RFTN1: variants seen among roughly 807,000 people sequenced by gnomAD.
The protein encoded by RFTN1 is raftlin.
RFTN1 carries 26 observed loss-of-function variants against 46.5 expected under a neutral mutation model. That is an observed-to-expected ratio of 0.56 (90% CI 0.41 to 0.78). The LOEUF (loss-of-function observed/expected upper bound fraction) is 0.78, where lower values mean the gene tolerates loss of function less well. Among genes scored for constraint, RFTN1 ranks in the 30% least tolerant of loss-of-function variants. The probability of loss-of-function intolerance (pLI) is 0.00; values close to 1 mark genes in which losing one functional copy is unlikely to be tolerated. For missense variants in RFTN1, 693 were observed against 718.7 expected, an observed-to-expected ratio of 0.96 and a Z score of 0.41; for synonymous variants, 261 against 284.2, an observed-to-expected ratio of 0.92 and a Z score of 0.82.
At position 16,506,143 on chromosome 3, in the gene RFTN1, C is replaced by T. The variant is rs771998545; in HGVS notation, c.-9+7299G>A. ...AGGAGGAGGTATAGTGTTTTAAATA[C>T]GGGGATTGGGAAAGGCCACACCCAG... On this transcript the variant is annotated intron_variant, in intron 1 of 9. Transcript: ENST00000334133. This position sits in a 1 kb window ranked among gnomAD's most constrained non-coding sequence, Gnocchi z 4.8. Among the ~76,000 whole-genome samples the T allele has an allele frequency of 9.9e-5, 15 of 152,130 alleles. No individual in the cohort carries two copies. Among genetic ancestry groups the T allele is most frequent in the East Asian group, 1.9e-4 (1 of 5,184 alleles).
At position 16,499,447 on chromosome 3, in the gene RFTN1, G is replaced by A. The variant is rs565750405; in HGVS notation, c.-8-5570C>T. 2.6e-5 allele frequency among the ~76,000 whole-genome samples: 4 copies of A among 152,334 alleles called. No homozygotes were observed. In the South Asian group the frequency reaches 8.3e-4, roughly 32 times the overall value. On this transcript the variant is annotated intron_variant, in intron 1 of 9. Coordinates refer to ENST00000334133, the MANE Select transcript of RFTN1 (RefSeq NM_015150.2). The surrounding 1 kb of genome is among the most constrained non-coding windows in gnomAD (Gnocchi z 4.9). Reference sequence around the variant, plus strand: ...GGAAGCTCAAGTAGCCCCAAAGAGGGGCCCATGTGGAGAGGAACCGACAGC... The same window carrying A: ...GGAAGCTCAAGTAGCCCCAAAGAGGAGCCCATGTGGAGAGGAACCGACAGC...
rs879370524 is a variant in RFTN1, at chr3:16,442,631, G to A, written c.146-8594C>T. On this transcript the variant is annotated intron_variant, in intron 2 of 9. Transcript: ENST00000334133. The surrounding 1 kb of genome is among the most constrained non-coding windows in gnomAD (Gnocchi z 4.1). ...TATTCCCTGAGCAGATCTCCAGTAC[G>A]CGATGTTATTAGCTATAGTCCCCAT... is the stretch of plus-strand genomic sequence containing the variant. Among the ~76,000 whole-genome samples the A allele has an allele frequency of 3.3e-5, 5 of 152,012 alleles. No individual in the cohort carries two copies. The highest frequency in any genetic ancestry group is 5.9e-5 in the Non-Finnish European group (4 of 68,004).
chr3:16,440,773 C>A lies in RFTN1; in HGVS notation c.146-6736G>T, dbSNP rs991164415. ...TAATCTTCCTAATCTTTAAATGTGA[C>A]AAGTAACTGTAATTTTTTTCTCAAT... is the stretch of plus-strand genomic sequence containing the variant. On this transcript the variant is annotated intron_variant, in intron 2 of 9. Transcript: ENST00000334133. The surrounding 1 kb of genome is among the most constrained non-coding windows in gnomAD (Gnocchi z 4.6). Among the ~76,000 whole-genome samples, 1 of 152,112 alleles carries A rather than the reference C, an allele frequency of 6.6e-6. No homozygotes were observed. The highest frequency in any genetic ancestry group is 6.5e-5 in the Admixed American group (1 of 15,274).
At chr3:16,339,287 G>GC (rs768620085) in intron 7 of RFTN1, 7 of 152,248 alleles carry the variant, frequency 4.6e-5, no homozygotes, top group Non-Finnish European at 7.3e-5. Flanking sequence ...TTCTCACTCA[G>GC]CCCTCCCTCC....
chr3:16,416,397 C>T (rs549738461), intron 3 of RFTN1, among the ~76,000 whole-genome samples: 1 of 152,214 alleles, frequency 6.6e-6, no homozygotes, highest in Admixed American at 6.5e-5. Flanking sequence ...CAGTATAGTA[C>T]CCTGGATTGG....
rs1010413022 is a variant in RFTN1, at chr3:16,498,623, C to T, written c.-8-4746G>A. 2.0e-5 allele frequency among the ~76,000 whole-genome samples: 3 copies of T among 152,168 alleles called. No homozygotes were observed. Among genetic ancestry groups the T allele is most frequent in the African/African-American group, 2.4e-5 (1 of 41,434 alleles). On this transcript the variant is annotated intron_variant, in intron 1 of 9. Coordinates refer to ENST00000334133, the MANE Select transcript of RFTN1 (RefSeq NM_015150.2). This position sits in a 1 kb window ranked among gnomAD's most constrained non-coding sequence, Gnocchi z 5.2. Reference sequence around the variant, plus strand: ...TAAGCAACTGTTTCTAAAGCACAGCCCTCTTTGGAAAGGGAGACACAGGAA... The same window carrying T: ...TAAGCAACTGTTTCTAAAGCACAGCTCTCTTTGGAAAGGGAGACACAGGAA...
rs945368356 is a variant in RFTN1 at position 16,422,089 on chromosome 3, C to T, written c.332+11762G>A. On this transcript the variant is annotated intron_variant, in intron 3 of 9. Transcript: ENST00000334133. The surrounding 1 kb of genome is among the most constrained non-coding windows in gnomAD (Gnocchi z 4.6). The stretch of plus-strand genomic sequence containing the variant: ...TCTCCTTCAACATTAAATATGTCTA[C>T]CCCACTTTGGTAACCACTGTTTAGA... Among the ~76,000 whole-genome samples, 1 of 152,168 alleles carries T rather than the reference C, an allele frequency of 6.6e-6. No individual in the cohort carries two copies. Among genetic ancestry groups the T allele is most frequent in the African/African-American group, 2.4e-5 (1 of 41,428 alleles).
Position 16,341,310 on chromosome 3 carries a change from C to T in RFTN1, c.1147-14434G>A, listed in dbSNP as rs1424257807. On this transcript the variant is annotated intron_variant, in intron 7 of 9. Transcript: ENST00000334133. This position sits in a 1 kb window ranked among gnomAD's most constrained non-coding sequence, Gnocchi z 4.7. The stretch of plus-strand genomic sequence containing the variant: ...CAGCAATCATACTCCTTGGTATTTA[C>T]CCAAATAAGCTGAAAACTTTTGTCC... 1.3e-5 allele frequency among the ~76,000 whole-genome samples: 2 copies of T among 152,186 alleles called. No homozygotes were observed. Among genetic ancestry groups the T allele is most frequent in the Non-Finnish European group, 2.9e-5 (2 of 68,028 alleles).
chr3:16,418,990 C>G lies in RFTN1; in HGVS notation c.333-9507G>C, dbSNP rs540061464. Among the ~76,000 whole-genome samples the G allele has an allele frequency of 2.6e-5, 4 of 152,030 alleles. No individual in the cohort carries two copies. The highest frequency in any genetic ancestry group is 4.4e-5 in the Non-Finnish European group (3 of 68,016). The stretch of plus-strand genomic sequence containing the variant: ...TCAGGGGAAAATTTAAGGAGCAAGG[C>G]GTGTGTGGGCTGAGTCTTTGAGTCT... On this transcript the variant is annotated intron_variant, in intron 3 of 9. Transcript: ENST00000334133. The surrounding 1 kb of genome is among the most constrained non-coding windows in gnomAD (Gnocchi z 5.0).
rs569949045 is a variant in RFTN1, at chr3:16,458,335, T to C, written c.146-24298A>G. On this transcript the variant is annotated intron_variant, in intron 2 of 9. Coordinates refer to ENST00000334133, the MANE Select transcript of RFTN1 (RefSeq NM_015150.2). This position sits in a 1 kb window ranked among gnomAD's most constrained non-coding sequence, Gnocchi z 5.1. ...TTCTGCTGTATTATTCAGGTCCAGG[T>C]ATGCTCGGGGTGCTGGAGTTTCAGG... is the stretch of plus-strand genomic sequence containing the variant. Among the ~76,000 whole-genome samples the C allele has an allele frequency of 5.3e-5, 8 of 152,278 alleles. No individual in the cohort carries two copies. Among genetic ancestry groups the C allele is most frequent in the African/African-American group, 1.9e-4 (8 of 41,548 alleles).
chr3:16,456,058 A>G (rs576865113), intron 2 of RFTN1, among the ~76,000 whole-genome samples: 2 of 151,948 alleles, frequency 1.3e-5, no homozygotes, highest in African/African-American at 4.8e-5. Context: ...AGGACAGCAA[A>G]TGAAAATCAA....
chr3:16,322,749 A>G lies in RFTN1; in HGVS notation c.1332+627T>C, dbSNP rs1430853878. Among the ~76,000 whole-genome samples the G allele has an allele frequency of 1.3e-5, 2 of 152,178 alleles. No homozygotes were observed. The highest frequency in any genetic ancestry group is 2.9e-5 in the Non-Finnish European group (2 of 68,032). On this transcript the variant is annotated intron_variant, in intron 9 of 9. Coordinates refer to ENST00000334133, the MANE Select transcript of RFTN1 (RefSeq NM_015150.2). The surrounding 1 kb of genome is among the most constrained non-coding windows in gnomAD (Gnocchi z 6.2). ...ACAGAGAAGACTCTCTGAGAAGGCC[A>G]GTCTCTGTGCGACTGTTTCTAGGGT...
At chr3:16,444,639 T>G (rs2075694781) in intron 2 of RFTN1, among the ~76,000 whole-genome samples, 1 of 152,170 alleles carries the variant, frequency 6.6e-6, no homozygotes, top group Non-Finnish European at 1.5e-5. Flanking sequence ...GGAAAATGAA[T>G]GAAGGAATGA....
rs1238514513 is a variant in RFTN1, at chr3:16,483,357, T to C, written c.145+10368A>G. 7.2e-5 allele frequency among the ~76,000 whole-genome samples: 11 copies of C among 151,928 alleles called. No individual in the cohort carries two copies. Among genetic ancestry groups the C allele is most frequent in the African/African-American group, 2.7e-4 (11 of 41,344 alleles). Reference sequence around the variant, plus strand: ...TGGGCTCCCCTGTAAAGCACCCCCCTCCCTCCCAGAACCTGCAGGCACCAG... The same window carrying C: ...TGGGCTCCCCTGTAAAGCACCCCCCCCCCTCCCAGAACCTGCAGGCACCAG... On this transcript the variant is annotated intron_variant, in intron 2 of 9. Transcript: ENST00000334133. This position sits in a 1 kb window ranked among gnomAD's most constrained non-coding sequence, Gnocchi z 4.8.
intron 2 of RFTN1, among the ~76,000 whole-genome samples, chr3:16,435,499 G>A (rs1178789297): frequency 1.3e-5 from 2 of 152,202 alleles, no homozygotes; most frequent in Non-Finnish European, 2.9e-5. Context: ...GAACCTGGGA[G>A]GCGAAGGTTG....
intron 2 of RFTN1, among the ~76,000 whole-genome samples, chr3:16,487,189 G>A (rs1014857956): frequency 2.0e-5 from 3 of 152,220 alleles, no homozygotes; most frequent in Non-Finnish European, 4.4e-5. Context: ...GCTGACTAAG[G>A]CAACCCAGGA....
In RFTN1 at chr3:16,334,484, C is replaced by T. The variant is rs1351106442; in HGVS notation, c.1147-7608G>A. 6.6e-6 allele frequency among the ~76,000 whole-genome samples: 1 copy of T among 152,190 alleles called. No homozygotes were observed. Among genetic ancestry groups the T allele is most frequent in the Non-Finnish European group, 1.5e-5 (1 of 68,042 alleles). ...TGGAGAGCGGTCTGCAGTAGCAAGA[C>T]ACTGGAAACTACTCAAGTGCCCATC... On this transcript the variant is annotated intron_variant, in intron 7 of 9. Transcript: ENST00000334133. This position sits in a 1 kb window ranked among gnomAD's most constrained non-coding sequence, Gnocchi z 4.3.
At chr3:16,401,099 C>G (rs562649362) in intron 4 of RFTN1, among the ~76,000 whole-genome samples, 1 of 152,218 alleles carries the variant, frequency 6.6e-6, no homozygotes, top group South Asian at 2.1e-4. Flanking sequence ...ATCGCTTGAG[C>G]CCAGGAATTC....
At chr3:16,414,115 A>T (rs2075025913) in intron 3 of RFTN1, among the ~76,000 whole-genome samples, 1 of 152,124 alleles carries the variant, frequency 6.6e-6, no homozygotes, top group African/African-American at 2.4e-5. Flanking sequence ...TTACTCATTC[A>T]TTCATTAAAT....
Sources: gnomAD v4.1 joint callset for allele counts (sites outside exome capture counted in the v4.1 genomes callset) on GRCh38, gnomAD v4.1.1 for gene constraint, Gnocchi (gnomAD v3.1) non-coding constraint, MANE v1.5 for transcripts, NCBI Gene and HGNC (gene_info 2026-07-23, HGNC 2026-07-21) for gene names.